Variants in RNF187 observed in about 807,000 individuals in gnomAD.
RNF187 encodes E3 ubiquitin-protein ligase RNF187.
Under a neutral mutation model 22.2 loss-of-function variants are expected in RNF187, and 18 were observed. That is an observed-to-expected ratio of 0.81 (90% CI 0.56 to 1.20). RNF187 has a LOEUF of 1.20. Ranked by LOEUF, RNF187 falls within the 50% of genes most tolerant of loss-of-function variation. The pLI, the probability that RNF187 is intolerant of heterozygous loss-of-function variation, is 0.00. For missense variants in RNF187, 329 were observed against 317.6 expected, an observed-to-expected ratio of 1.04 and a Z score of -0.27; for synonymous variants, 164 against 140.9, an observed-to-expected ratio of 1.16 and a Z score of -1.16.
In RNF187 at chr1:228,494,546, AGAAG is replaced by A; in HGVS notation, c.*666_*669del. The stretch of plus-strand genomic sequence containing the variant: ...CTCCCTGTGCTCCACCTGCCTCCGC[AGAAG>A]GAAGCCTCTTTCTCTGTTTCCCTGG... On this transcript the variant is annotated 3_prime_UTR_variant, in exon 4 of 4. Transcript: ENST00000305943. The A allele has an allele frequency of 1.0e-6, 1 of 985,582 alleles. No homozygotes were observed. The highest frequency in any genetic ancestry group is 1.2e-6 in the Non-Finnish European group (1 of 830,280). The allele number at this position is 985,582 out of a possible 1,614,324, so 61.1% of individuals were successfully genotyped here. A position where few individuals can be genotyped will look rare whatever the true frequency, so the allele number is the denominator to read the frequency against.
At chr1:228,488,322 C>G in intron 1 of RNF187, 1 of 153,560 alleles carries the variant, frequency 6.5e-6, no homozygotes, top group Non-Finnish European at 1.4e-5. Flanking sequence ...GCCTCTTGCC[C>G]CTCTGTATTC....
chr1:228,494,189 C>G lies in RNF187; in HGVS notation c.*304C>G. On this transcript the variant is annotated 3_prime_UTR_variant, in exon 4 of 4. Coordinates refer to ENST00000305943, the MANE Select transcript of RNF187 (RefSeq NM_001010858.3). ...CGGCAGCTCTGGGTCATGCCCTTCC[C>G]TGGTCACCCATCTGCCCCTCACCTC... is the stretch of plus-strand genomic sequence containing the variant. 2.2e-6 allele frequency: 3 copies of G among 1,363,608 alleles called. No individual in the cohort carries two copies. The highest frequency in any genetic ancestry group is 1.5e-5 in the African/African-American group (1 of 65,336). The allele number at this position is 1,363,608 out of a possible 1,614,324, so 84.5% of individuals were successfully genotyped here. A position where few individuals can be genotyped will look rare whatever the true frequency, so the allele number is the denominator to read the frequency against.
Position 228,494,243 on chromosome 1 carries a change from T to C in RNF187, c.*358T>C. On this transcript the variant is annotated 3_prime_UTR_variant, in exon 4 of 4. Coordinates refer to ENST00000305943, the MANE Select transcript of RNF187 (RefSeq NM_001010858.3). ...ATCCAGGGACCCAGACCCTGCACCT[T>C]CCATGTGGGCCCACAGATCCTTGGC... 2.4e-6 allele frequency: 3 copies of C among 1,242,600 alleles called. No homozygotes were observed. The Admixed American group carries it at 1.0e-4, about 43-fold the overall frequency. The allele number at this position is 1,242,600 out of a possible 1,614,324, so 77.0% of individuals were successfully genotyped here. A position where few individuals can be genotyped will look rare whatever the true frequency, so the allele number is the denominator to read the frequency against.
intron 2 of RNF187, 126 bp downstream of exon 2, chr1:228,489,178 C>G: frequency 1.5e-6 from 1 of 676,180 alleles, no homozygotes; most frequent in Non-Finnish European, 2.5e-6. Flanking sequence ...GGAGGAGGGG[C>G]CTCTGGACTT....
Position 228,493,788 on chromosome 1 carries a change from T to G in RNF187, c.706-95T>G. 0.05 allele frequency: 67,303 copies of G among 1,335,564 alleles called. 1,885 individuals carry two copies. The highest frequency in any genetic ancestry group is 0.06 in the Middle Eastern group (336 of 5,576). 82.7% of individuals were successfully genotyped at this position (1,335,564 alleles called of 1,614,324 possible). A position where few individuals can be genotyped will look rare whatever the true frequency, so the allele number is the denominator to read the frequency against. On this transcript the variant is annotated intron_variant, in intron 3 of 3. Transcript: ENST00000305943. The surrounding 1 kb of genome is among the most constrained non-coding windows in gnomAD (Gnocchi z 4.7). ...ACCTCATGCGCTGTCTCATGTGCGC[T>G]CTCTCTTTCGCTCTCTCCTTTTGCC...
Position 228,495,011 on chromosome 1 carries a change from C to G in RNF187, c.*1126C>G. 3 of 985,836 alleles carry G rather than the reference C, an allele frequency of 3.0e-6. No individual in the cohort carries two copies. The highest frequency in any genetic ancestry group is 3.6e-6 in the Non-Finnish European group (3 of 830,212). The allele number at this position is 985,836 out of a possible 1,614,324, so 61.1% of individuals were successfully genotyped here. A position where few individuals can be genotyped will look rare whatever the true frequency, so the allele number is the denominator to read the frequency against. On this transcript the variant is annotated 3_prime_UTR_variant, in exon 4 of 4. Coordinates refer to ENST00000305943, the MANE Select transcript of RNF187 (RefSeq NM_001010858.3). ...TCCGTGTGTCCACCTGGCCTCTTCC[C>G]CCTGCCCTGGCCACCCTCCAGTGTC...
chr1:228,495,784 T>C lies in RNF187; in HGVS notation c.*1899T>C. The C allele has an allele frequency of 6.2e-6, 6 of 967,404 alleles. No homozygotes were observed. The South Asian group carries it at 1.9e-4, about 31-fold the overall frequency. 59.9% of individuals were successfully genotyped at this position (967,404 alleles called of 1,614,324 possible). On this transcript the variant is annotated 3_prime_UTR_variant, in exon 4 of 4. Coordinates refer to ENST00000305943, the MANE Select transcript of RNF187 (RefSeq NM_001010858.3). The stretch of plus-strand genomic sequence containing the variant: ...GCACAGTGTGATGTTTTGATATCTA[T>C]GTACATTGTGGAGTGACAGATTAAT...
Position 228,494,012 on chromosome 1 carries a change from TTGCGTGTTTCAACAA to T in RNF187, c.*130_*144del. ...CCTGGCCTTGGGTCCATCTACATAGTTGCGTGTTTCAACAATGTCCATTTATCCTTCACCCCGAGG... is the reference window on the plus strand; with the variant it reads ...CCTGGCCTTGGGTCCATCTACATAGTTGTCCATTTATCCTTCACCCCGAGG... On this transcript the variant is annotated 3_prime_UTR_variant, in exon 4 of 4. Coordinates refer to ENST00000305943, the MANE Select transcript of RNF187 (RefSeq NM_001010858.3). The T allele has an allele frequency of 1.3e-6, 2 of 1,548,296 alleles. No individual in the cohort carries two copies. Among genetic ancestry groups the T allele is most frequent in the Middle Eastern group, 1.7e-4 (1 of 5,970 alleles).
At chr1:228,491,245 C>T in intron 2 of RNF187, among the ~76,000 whole-genome samples, 4 of 151,616 alleles carry the variant, frequency 2.6e-5, no homozygotes, top group African/African-American at 9.7e-5. Context: ...AATAAATTAG[C>T]CAGGTATGGT....
At chr1:228,489,428 T>G in intron 2 of RNF187, among the ~76,000 whole-genome samples, 1 of 152,046 alleles carries the variant, frequency 6.6e-6, no homozygotes, top group African/African-American at 2.4e-5. Flanking sequence ...CACCTCAGCC[T>G]CTGGGACTAT....
chr1:228,494,282 G>C lies in RNF187; in HGVS notation c.*397G>C. ...CAGATCCTTGGCAGGTACCTGAGGT[G>C]CACCATTGAGTGTCGGATTTGGGGT... is the stretch of plus-strand genomic sequence containing the variant. On this transcript the variant is annotated 3_prime_UTR_variant, in exon 4 of 4. Coordinates refer to ENST00000305943, the MANE Select transcript of RNF187 (RefSeq NM_001010858.3). 3 of 1,152,750 alleles carry C rather than the reference G, an allele frequency of 2.6e-6. No homozygotes were observed. Among genetic ancestry groups the C allele is most frequent in the South Asian group, 2.7e-5 (1 of 37,706 alleles). 71.4% of individuals were successfully genotyped at this position (1,152,750 alleles called of 1,614,324 possible).
chr1:228,491,404 A>AAAT, intron 2 of RNF187, among the ~76,000 whole-genome samples: 117 of 144,236 alleles, frequency 8.1e-4, no homozygotes, highest in African/African-American at 2.6e-3. Context: ...AAAAAAAAAA[A>AAAT]AAAAATAAAG....
intron 2 of RNF187, among the ~76,000 whole-genome samples, chr1:228,491,007 G>A: frequency 6.6e-6 from 1 of 152,318 alleles, no homozygotes; most frequent in African/African-American, 2.4e-5. Context: ...TTCCTGTGCA[G>A]CTGAGCACTG....
intron 2 of RNF187, 28 bp downstream of exon 2, chr1:228,489,080 G>C: frequency 3.9e-6 from 6 of 1,521,844 alleles, no homozygotes; most frequent in Non-Finnish European, 5.3e-6. Context: ...GGGCAGCCTG[G>C]AATGAGGGGA....
intron 2 of RNF187, among the ~76,000 whole-genome samples, chr1:228,491,906 C>G: frequency 6.6e-6 from 1 of 152,224 alleles, no homozygotes; most frequent in Non-Finnish European, 1.5e-5. Flanking sequence ...GTTGTTTTCA[C>G]AAGGTCTGTA....
At position 228,494,020 on chromosome 1, in the gene RNF187, T is replaced by C; in HGVS notation, c.*135T>C. ...TGGGTCCATCTACATAGTTGCGTGT[T>C]TCAACAATGTCCATTTATCCTTCAC... On this transcript the variant is annotated 3_prime_UTR_variant, in exon 4 of 4. Coordinates refer to ENST00000305943, the MANE Select transcript of RNF187 (RefSeq NM_001010858.3). 4 of 1,546,496 alleles carry C rather than the reference T, an allele frequency of 2.6e-6. No individual in the cohort carries two copies. The East Asian group carries it at 9.8e-5, about 38-fold the overall frequency.
In RNF187 at chr1:228,487,538, G is replaced by A; in HGVS notation, c.50G>A (p.Arg17His). ...GAGGCCGCCTGCGCCCTGTGCCAGC[G>A]CGCGCCCCGGGAACCGGTGCGCGCC... Residue 17 changes from arginine to histidine, a missense_variant, in exon 1 of 4, where the codon CGC becomes CAC. Transcript: ENST00000305943. 8.2e-7 allele frequency: 1 copy of A among 1,218,080 alleles called. No homozygotes were observed. 75.5% of individuals were successfully genotyped at this position (1,218,080 alleles called of 1,614,324 possible).
Position 228,493,080 on chromosome 1 carries a change from G to T in RNF187, c.511G>T (p.Ala171Ser). Reference sequence around the variant, plus strand: ...ACACGTGATGGACCGTAGGAAGAAGGCACTGACCGACTACAAGAAGCTGCG... The same window carrying T: ...ACACGTGATGGACCGTAGGAAGAAGTCACTGACCGACTACAAGAAGCTGCG... Residue 171 changes from alanine (A) to serine (S), a missense_variant, in exon 3 of 4, where the codon GCA becomes TCA. Transcript: ENST00000305943. This position sits in a 1 kb window ranked among gnomAD's most constrained non-coding sequence, Gnocchi z 4.7. 1 of 1,551,164 alleles carries T rather than the reference G, an allele frequency of 6.4e-7. No homozygotes were observed. Among genetic ancestry groups the T allele is most frequent in the Non-Finnish European group, 8.7e-7 (1 of 1,146,624 alleles).
In RNF187 at chr1:228,487,527, C is replaced by T. The variant is rs1263862186; in HGVS notation, c.39C>T (p.Ala13=). ...CGGGCCCCGCCGAGGCCGCCTGCGC[C>T]CTGTGCCAGCGCGCGCCCCGGGAAC... is the stretch of plus-strand genomic sequence containing the variant. The change falls in exon 1 of 4, where the codon GCC becomes GCT. Residue 13 remains alanine (A), a synonymous_variant. Transcript: ENST00000305943. 1.7e-5 allele frequency: 20 copies of T among 1,199,228 alleles called. No individual in the cohort carries two copies. Among genetic ancestry groups the T allele is most frequent in the Non-Finnish European group, 2.1e-5 (20 of 965,012 alleles). 74.3% of individuals were successfully genotyped at this position (1,199,228 alleles called of 1,614,324 possible). A position where few individuals can be genotyped will look rare whatever the true frequency, so the allele number is the denominator to read the frequency against.
Sources: gnomAD v4.1 joint callset for allele counts (sites outside exome capture counted in the v4.1 genomes callset) on GRCh38, gnomAD v4.1.1 for gene constraint, Gnocchi (gnomAD v3.1) non-coding constraint, MANE v1.5 for transcripts, NCBI Gene and HGNC (gene_info 2026-07-23, HGNC 2026-07-21) for gene names.